The following CSNK1A1 variants were observed in gnomAD, a reference collection of about 807,000 sequenced individuals.
CSNK1A1 encodes the protein casein kinase 1 alpha 1.
CSNK1A1 carries 7 observed loss-of-function variants against 46.1 expected under a neutral mutation model. The ratio of observed to expected loss-of-function variants is 0.15; its 90% CI spans 0.09 to 0.29. The LOEUF (loss-of-function observed/expected upper bound fraction) is 0.29, where lower values mean the gene tolerates loss of function less well. Among genes scored for constraint, CSNK1A1 ranks in the 10% least tolerant of loss-of-function variants. CSNK1A1 has a pLI of 1.00. For missense variants in CSNK1A1, 96 were observed against 417.1 expected, an observed-to-expected ratio of 0.23 and a Z score of 6.71; for synonymous variants, 137 against 141.5, an observed-to-expected ratio of 0.97 and a Z score of 0.23.
At chr5:149,528,774 G>A (rs1761796710) in intron 2 of CSNK1A1, among the ~76,000 whole-genome samples, 1 of 152,100 alleles carries the variant, frequency 6.6e-6, no homozygotes, top group Non-Finnish European at 1.5e-5. Context: ...TGTAACTTTG[G>A]TGTTTGTCTC....
intron 3 of CSNK1A1, among the ~76,000 whole-genome samples, chr5:149,521,536 C>T (rs1033162939): frequency 3.9e-5 from 6 of 151,976 alleles, no homozygotes; most frequent in Admixed American, 2.6e-4. Context: ...ATCCTCCTGC[C>T]TCGACCTCCC....
chr5:149,529,760 G>A (rs1466904066), intron 2 of CSNK1A1: 2 of 456,036 alleles, frequency 4.4e-6, no homozygotes, highest in African/African-American at 2.0e-5. Flanking sequence ...GTTTGTGGCT[G>A]AGACATAATT....
At chr5:149,518,580 G>C (rs1761465928) in intron 4 of CSNK1A1, among the ~76,000 whole-genome samples, 1 of 152,058 alleles carries the variant, frequency 6.6e-6, no homozygotes, top group Non-Finnish European at 1.5e-5. Flanking sequence ...ATGTTCAAGA[G>C]CAACATTTAG....
chr5:149,527,814 C>T (rs1299657142), intron 2 of CSNK1A1, among the ~76,000 whole-genome samples: 2 of 152,102 alleles, frequency 1.3e-5, no homozygotes, highest in South Asian at 4.1e-4. Flanking sequence ...CCAGAAAGAG[C>T]TAAGGAAGTA....
At chr5:149,529,866 G>T in intron 2 of CSNK1A1, 1 of 327,656 alleles carries the variant, frequency 3.1e-6, no homozygotes, top group Non-Finnish European at 6.4e-6. Context: ...ATTAGGAAGT[G>T]TTATACTATA....
intron 2 of CSNK1A1, among the ~76,000 whole-genome samples, chr5:149,543,684 TAA>T (rs1762373704): frequency 6.6e-6 from 1 of 152,144 alleles, no homozygotes; most frequent in African/African-American, 2.4e-5. Flanking sequence ...AAATACGTTC[TAA>T]AACATTTGAC....
At chr5:149,497,715 G>A (rs1052212244) in intron 9 of CSNK1A1, 1 of 985,290 alleles carries the variant, frequency 1.0e-6, no homozygotes, top group Non-Finnish European at 1.2e-6. Flanking sequence ...ATGCTCCTTT[G>A]TCTACCTCCT....
At chr5:149,548,552 G>A (rs942072041) in intron 2 of CSNK1A1, among the ~76,000 whole-genome samples, 1 of 145,818 alleles carries the variant, frequency 6.9e-6, no homozygotes, top group South Asian at 2.2e-4. Context: ...GGGCAACAGA[G>A]TAAGGCTCCG....
chr5:149,521,414 G>A (rs939995409), intron 3 of CSNK1A1, among the ~76,000 whole-genome samples: 22 of 151,460 alleles, frequency 1.5e-4, no homozygotes, highest in African/African-American at 4.9e-4. Flanking sequence ...AAACTATAAG[G>A]TGCATGCCAC....
At position 149,521,406 on chromosome 5, in the gene CSNK1A1, A is replaced by G. The variant is rs567644689; in HGVS notation, c.358-1018T>C. Among the ~76,000 whole-genome samples, 21 of 151,560 alleles carry G rather than the reference A, an allele frequency of 1.4e-4. No individual in the cohort carries two copies. The East Asian group carries it at 3.7e-3, about 27-fold the overall frequency. ...CACTTCACCCTCTGGAGTAGCTGAAACTATAAGGTGCATGCCACTACACCT... is the reference window on the plus strand; with the variant it reads ...CACTTCACCCTCTGGAGTAGCTGAAGCTATAAGGTGCATGCCACTACACCT... On this transcript the variant is annotated intron_variant, in intron 3 of 9. Coordinates refer to ENST00000377843, the MANE Select transcript of CSNK1A1 (RefSeq NM_001892.6).
intron 2 of CSNK1A1, among the ~76,000 whole-genome samples, chr5:149,544,758 T>TACACACAC (rs1554118058): frequency 5.4e-5 from 7 of 129,264 alleles, no homozygotes; most frequent in African/African-American, 1.9e-4. Flanking sequence ...TATATATATA[T>TACACACAC]ATATATAGTT....
intron 9 of CSNK1A1, chr5:149,497,779 C>T: frequency 1.0e-6 from 1 of 985,440 alleles, no homozygotes; most frequent in Non-Finnish European, 1.2e-6. Flanking sequence ...TCAATCCTCA[C>T]TTCTTCAGCC....
In CSNK1A1 at chr5:149,505,996, G is replaced by A. The variant is rs528781293; in HGVS notation, c.858-401C>T. Among the ~76,000 whole-genome samples, 6 of 151,832 alleles carry A rather than the reference G, an allele frequency of 4.0e-5. No individual in the cohort carries two copies. The South Asian group carries it at 1.0e-3, about 26-fold the overall frequency. ...GGCTGGAGTGCAGTGGTGCAATCTC[G>A]GCTCACTGCAACCTCCGTCTCGCAG... On this transcript the variant is annotated intron_variant, in intron 8 of 9. Coordinates refer to ENST00000377843, the MANE Select transcript of CSNK1A1 (RefSeq NM_001892.6).
rs949165959 is a variant in CSNK1A1, at chr5:149,494,238, T to C, written c.*2615A>G. ...CAGGAAAAATCCTACTAAAAATATTTGTTGATGGGAAATCATTGTGAAAGC... is the reference window on the plus strand; with the variant it reads ...CAGGAAAAATCCTACTAAAAATATTCGTTGATGGGAAATCATTGTGAAAGC... On this transcript the variant is annotated 3_prime_UTR_variant, in exon 10 of 10. Coordinates refer to ENST00000377843, the MANE Select transcript of CSNK1A1 (RefSeq NM_001892.6). The C allele has an allele frequency of 1.4e-4, 22 of 152,210 alleles. No homozygotes were observed. The highest frequency in any genetic ancestry group is 5.3e-4 in the African/African-American group (22 of 41,448). The allele number at this position is 152,210 out of a possible 1,614,324, so 9.4% of individuals were successfully genotyped here. A position where few individuals can be genotyped will look rare whatever the true frequency, so the allele number is the denominator to read the frequency against.
intron 9 of CSNK1A1, chr5:149,497,230 G>A: frequency 2.0e-6 from 2 of 1,008,004 alleles, no homozygotes; most frequent in Non-Finnish European, 2.4e-6. Flanking sequence ...TTTAACTAAA[G>A]AATACAATTT....
chr5:149,497,553 G>A, intron 9 of CSNK1A1: 3 of 985,356 alleles, frequency 3.0e-6, no homozygotes, highest in Non-Finnish European at 2.4e-6. Flanking sequence ...ATAGGCCCTA[G>A]GCCAAGTTTG....
In CSNK1A1 at chr5:149,507,088, G is replaced by A. The variant is rs375067462; in HGVS notation, c.796C>T (p.Leu266=). The change falls in exon 8 of 10, where the codon CTA becomes TTA. Residue 266 remains leucine, a synonymous_variant. Transcript: ENST00000377843. ...FAMYLNYCRG[L]RFEEAPDYMY... is the part of the protein sequence containing the mutation. ...TAATCTGGGGCTTCCTCAAAGCGTA[G>A]CCCACGACAATAGTTTAAGTACATC... 1.1e-5 allele frequency: 18 copies of A among 1,613,830 alleles called. No individual in the cohort carries two copies. The highest frequency in any genetic ancestry group is 1.2e-5 in the Non-Finnish European group (14 of 1,179,908).
intron 9 of CSNK1A1, chr5:149,503,896 T>C (rs1165289944): frequency 1.0e-6 from 1 of 985,320 alleles, no homozygotes; most frequent in Non-Finnish European, 1.2e-6. Context: ...GATCCTATTA[T>C]CCCAGCTAGC....
At chr5:149,511,930 A>G in intron 5 of CSNK1A1, 58 bp from the exon 6 acceptor site, 1 of 1,297,944 alleles carries the variant, frequency 7.7e-7, no homozygotes, top group Non-Finnish European at 1.1e-6. Flanking sequence ...AAACATATGA[A>G]AGAAAGTCAA....
Sources: gnomAD v4.1 joint callset for allele counts (sites outside exome capture counted in the v4.1 genomes callset) on GRCh38, gnomAD v4.1.1 for gene constraint, MANE v1.5 for transcripts, NCBI Gene and HGNC (gene_info 2026-07-23, HGNC 2026-07-21) for gene names.